The following WDR43 variants were observed in gnomAD, a reference collection of about 807,000 sequenced individuals.
The protein encoded by WDR43 is WD repeat-containing protein 43.
In WDR43, 13 loss-of-function variants were observed where a neutral mutation model predicts 91.4. The ratio of observed to expected loss-of-function variants is 0.14; its 90% confidence interval spans 0.09 to 0.23. The LOEUF is 0.23. WDR43 is among the 10% of genes least tolerant of loss of function. The pLI is 1.00. For missense variants in WDR43, 780 were observed against 809.4 expected (o/e 0.96, Z 0.44); for synonymous variants, 331 against 287.9 (o/e 1.15, Z -1.51).
intron 10 of WDR43, among the ~76,000 whole-genome samples, chr2:28,929,285 C>T (rs973770664): frequency 2.6e-5 from 4 of 152,090 alleles, no homozygotes; most frequent in African/African-American, 9.7e-5. Context: ...GATGCCAGGT[C>T]CTTGCCTTTT....
intron 1 of WDR43, among the ~76,000 whole-genome samples, chr2:28,897,711 A>G (rs1183069050): frequency 2.6e-5 from 4 of 152,234 alleles, no homozygotes; most frequent in East Asian, 1.9e-4. Context: ...TAACTCATCA[A>G]TGGAGAAAGA....
At position 28,947,925 on chromosome 2, in the gene WDR43, G is replaced by A. The variant is rs1671579926; in HGVS notation, c.*1146G>A. ...CCGATATTGGCTTAGTGCTCACTAG[G>A]GGACATGCACATGGAAGCTCACCTC... On this transcript the variant is annotated 3_prime_UTR_variant, in exon 18 of 18. Transcript: ENST00000407426. 1 of 148,310 alleles carries A rather than the reference G, an allele frequency of 6.7e-6. No homozygotes were observed. Among genetic ancestry groups the A allele is most frequent in the African/African-American group, 2.5e-5 (1 of 39,884 alleles). The allele number at this position is 148,310 out of a possible 1,614,324, so 9.2% of individuals were successfully genotyped here. A position where few individuals can be genotyped will look rare whatever the true frequency, so the allele number is the denominator to read the frequency against.
At chr2:28,913,997 T>C in intron 4 of WDR43, 72 bp from the exon 5 acceptor site, 1 of 1,561,670 alleles carries the variant, frequency 6.4e-7, no homozygotes, top group South Asian at 1.2e-5. Context: ...TGGCTTGTTT[T>C]GATAATATAT....
At chr2:28,906,690 T>A (rs915684428) in intron 3 of WDR43, 109 bp downstream of exon 3, 1 of 1,348,896 alleles carries the variant, frequency 7.4e-7, no homozygotes, top group Non-Finnish European at 9.7e-7. Flanking sequence ...AAAGAACTTT[T>A]AATCAAATCG....
At chr2:28,911,238 G>A (rs2148183465) in intron 3 of WDR43, among the ~76,000 whole-genome samples, 1 of 151,802 alleles carries the variant, frequency 6.6e-6, no homozygotes, top group African/African-American at 2.4e-5. Flanking sequence ...TCTAATGACT[G>A]ATTTGACTTA....
chr2:28,921,244 C>T (rs1160926299), intron 6 of WDR43, among the ~76,000 whole-genome samples: 1 of 151,892 alleles, frequency 6.6e-6, no homozygotes, highest in Non-Finnish European at 1.5e-5. Context: ...TCTCCTGCCT[C>T]AGCCTCCTGA....
At position 28,905,805 on chromosome 2, in the gene WDR43, C is replaced by T. The variant is rs894108048; in HGVS notation, c.364-655C>T. On this transcript the variant is annotated intron_variant, in intron 2 of 17. Transcript: ENST00000407426. ...TCAGCCTCTCAGGTAGCTGGGATTA[C>T]AGGCATGTGCTACCACACCCGGCTA... Among the ~76,000 whole-genome samples, 5 of 152,112 alleles carry T rather than the reference C, an allele frequency of 3.3e-5. No individual in the cohort carries two copies. In the South Asian group the frequency reaches 1.0e-3, roughly 32 times the overall value.
chr2:28,913,434 G>A (rs1670846796), intron 4 of WDR43, among the ~76,000 whole-genome samples: 1 of 151,880 alleles, frequency 6.6e-6, no homozygotes, highest in Non-Finnish European at 1.5e-5. Flanking sequence ...AGGCTCAAGC[G>A]ATGTCTCACC....
intron 1 of WDR43, chr2:28,895,207 C>G (rs1670453985): frequency 3.2e-6 from 1 of 310,276 alleles, no homozygotes; most frequent in Non-Finnish European, 5.9e-6. Flanking sequence ...CAGCCATGTT[C>G]GCCAAGTCCC....
chr2:28,909,946 T>A (rs1242274322), intron 3 of WDR43, among the ~76,000 whole-genome samples: 1 of 152,116 alleles, frequency 6.6e-6, no homozygotes, highest in Non-Finnish European at 1.5e-5. Context: ...ATTTATAGAG[T>A]GATTGGGAAG....
intron 6 of WDR43, among the ~76,000 whole-genome samples, chr2:28,921,959 C>T (rs997474384): frequency 6.6e-6 from 1 of 152,142 alleles, no homozygotes; most frequent in Admixed American, 6.5e-5. Flanking sequence ...AGCTATCTTC[C>T]CGCCTCGGCC....
At chr2:28,936,385 A>G (rs80032514) in intron 12 of WDR43, among the ~76,000 whole-genome samples, 1,612 of 152,244 alleles carry the variant, frequency 0.011, 30 homozygotes, top group African/African-American at 0.036. Context: ...CTGGTGTACC[A>G]TTATTGGTAA....
intron 6 of WDR43, among the ~76,000 whole-genome samples, chr2:28,921,946 TCTAG>T (rs1671037281): frequency 6.6e-6 from 1 of 152,114 alleles, no homozygotes; most frequent in South Asian, 2.1e-4. Context: ...ACTTCCAGGC[TCTAG>T]CTATCTTCCC....
intron 11 of WDR43, among the ~76,000 whole-genome samples, chr2:28,932,376 T>C (rs1380136337): frequency 1.3e-5 from 2 of 152,188 alleles, no homozygotes; most frequent in East Asian, 3.8e-4. Context: ...TTTGCCAGGA[T>C]GGTCTCAGAC....
Position 28,902,135 on chromosome 2 carries a change from G to A in WDR43, c.363+11G>A, listed in dbSNP as rs1670588022. ...CACAGTAAATTAATAGTAAGTGTGTGTATATTTTATTTAAAAGTGATGTGA... is the reference window on the plus strand; with the variant it reads ...CACAGTAAATTAATAGTAAGTGTGTATATATTTTATTTAAAAGTGATGTGA... On this transcript the variant is annotated intron_variant, in intron 2 of 17. Transcript: ENST00000407426. 1 of 1,532,106 alleles carries A rather than the reference G, an allele frequency of 6.5e-7. No homozygotes were observed. The highest frequency in any genetic ancestry group is 8.8e-7 in the Non-Finnish European group (1 of 1,140,360). 94.9% of individuals were successfully genotyped at this position (1,532,106 alleles called of 1,614,324 possible). A position where few individuals can be genotyped will look rare whatever the true frequency, so the allele number is the denominator to read the frequency against.
In WDR43 at chr2:28,929,613, T is replaced by C. The variant is rs770686483; in HGVS notation, c.1340T>C (p.Ile447Thr). 1 of 1,613,624 alleles carries C rather than the reference T, an allele frequency of 6.2e-7. No homozygotes were observed. Among genetic ancestry groups the C allele is most frequent in the East Asian group, 2.2e-5 (1 of 44,846 alleles). ...SIEERLGAMD[I>T]DTHKKGKEDL... Reference sequence around the variant, plus strand: ...GAAGAACGTCTGGGAGCAATGGATATAGACACACACAAAAAAGGAAAGGAA... The same window carrying C: ...GAAGAACGTCTGGGAGCAATGGATACAGACACACACAAAAAAGGAAAGGAA... The change falls in exon 11 of 18, where the codon ATA becomes ACA. Residue 447 changes from isoleucine (I) to threonine (T), a missense_variant. By Grantham distance (89) the Ile-to-Thr change is moderately conservative. Transcript: ENST00000407426.
At chr2:28,908,615 C>T (rs953262589) in intron 3 of WDR43, among the ~76,000 whole-genome samples, 1 of 151,462 alleles carries the variant, frequency 6.6e-6, no homozygotes, top group African/African-American at 2.4e-5. Context: ...TGAACTTTAG[C>T]CCCACTTTGC....
chr2:28,914,233 A>ACATTTTTT (rs1446933614), intron 5 of WDR43, 25 bp downstream of exon 5: 4 of 1,599,738 alleles, frequency 2.5e-6, no homozygotes, highest in Non-Finnish European at 3.4e-6. Context: ...TGGATTTGGG[A>ACATTTTTT]GGTAGCATTG....
chr2:28,907,413 A>G (rs1349591145), intron 3 of WDR43, among the ~76,000 whole-genome samples: 1 of 138,318 alleles, frequency 7.2e-6, no homozygotes, highest in Non-Finnish European at 1.6e-5. Flanking sequence ...GCTTGAGACC[A>G]GACTGAACAA....
Sources: gnomAD v4.1 joint callset for allele counts (sites outside exome capture counted in the v4.1 genomes callset) on GRCh38, gnomAD v4.1.1 for gene constraint, MANE v1.5 for transcripts, NCBI Gene and HGNC (gene_info 2026-07-23, HGNC 2026-07-21) for gene names.